KIF21A: variants seen among roughly 807,000 people sequenced by gnomAD.
The protein encoded by KIF21A is kinesin family member 21A.
KIF21A carries 114 observed loss-of-function variants against 202.9 expected under a neutral mutation model. That is an observed-to-expected ratio of 0.56 (90% CI 0.48 to 0.66). The LOEUF is 0.66. Ranked by LOEUF, KIF21A falls within the 30% of genes least tolerant of loss-of-function variation. The pLI is 0.00. For synonymous variants in KIF21A, 667 were observed against 670.8 expected, an observed-to-expected ratio of 0.99 and a Z score of 0.09; for missense variants, 1,677 against 1,994.9, an observed-to-expected ratio of 0.84 and a Z score of 3.04.
In KIF21A at chr12:39,369,876, T is replaced by C; in HGVS notation, c.303A>G (p.Gly101=). Residue 101 remains glycine (G), a synonymous_variant, in exon 3 of 38, where the codon GGA becomes GGG. Coordinates refer to ENST00000361418, the MANE Select transcript of KIF21A (RefSeq NM_001173464.2). ...CTTCCTCAACAATGTTAACATCAAA[T>C]CCTGTTCCCATTGTGTATGTTTTAC... The part of the protein sequence containing the change: ...GAGKTYTMGT[G]FDVNIVEEEL... The C allele has an allele frequency of 6.2e-7, 1 of 1,613,566 alleles. No individual in the cohort carries two copies. The highest frequency in any genetic ancestry group is 8.5e-7 in the Non-Finnish European group (1 of 1,179,712).
chr12:39,319,056 T>C (rs1002032179), intron 28 of KIF21A, among the ~76,000 whole-genome samples: 1 of 152,214 alleles, frequency 6.6e-6, no homozygotes, highest in African/African-American at 2.4e-5. Context: ...AGTGTGCATC[T>C]TGGCACAGGG....
chr12:39,321,187 C>G (rs75460304), intron 27 of KIF21A, among the ~76,000 whole-genome samples: 9,773 of 152,034 alleles, frequency 0.064, 1,055 homozygotes, highest in African/African-American at 0.22. Flanking sequence ...AGTGAGTGAC[C>G]AAACTCTCAC....
intron 1 of KIF21A, among the ~76,000 whole-genome samples, chr12:39,386,305 G>A (rs1950945983): frequency 6.6e-6 from 1 of 152,122 alleles, no homozygotes; most frequent in South Asian, 2.1e-4. Flanking sequence ...TCCAGATCAT[G>A]TGAATGGGGG....
intron 7 of KIF21A, 88 bp from the exon 8 acceptor site, chr12:39,358,461 G>C: frequency 8.2e-7 from 1 of 1,215,534 alleles, no homozygotes; most frequent in South Asian, 1.2e-5. Context: ...CATTTGAATA[G>C]TATCTTCTCT....
chr12:39,370,311 A>T, intron 1 of KIF21A, 50 bp from the exon 2 acceptor site: 1 of 1,416,010 alleles, frequency 7.1e-7, no homozygotes, highest in South Asian at 1.2e-5. Flanking sequence ...GGCAAAAAAA[A>T]ACCTCTCAAA....
chr12:39,394,773 T>C (rs1951611710), intron 1 of KIF21A, among the ~76,000 whole-genome samples: 1 of 152,224 alleles, frequency 6.6e-6, no homozygotes, highest in Admixed American at 6.5e-5. Context: ...ACCTAATATA[T>C]AGTTACAGCT....
intron 26 of KIF21A, among the ~76,000 whole-genome samples, chr12:39,324,028 T>A (rs113738408): frequency 0.1 from 15,180 of 151,762 alleles, 772 homozygotes; most frequent in East Asian, 0.14. Context: ...GAGAATGGTG[T>A]GAACCCGGAA....
At chr12:39,336,097 T>C (rs1015855591) in intron 17 of KIF21A, among the ~76,000 whole-genome samples, 5 of 152,176 alleles carry the variant, frequency 3.3e-5, no homozygotes, top group African/African-American at 1.2e-4. Flanking sequence ...CTCTTCTTTT[T>C]CAAAGAGGCA....
intron 1 of KIF21A, among the ~76,000 whole-genome samples, chr12:39,419,395 C>T (rs954540352): frequency 6.6e-6 from 1 of 152,178 alleles, no homozygotes; most frequent in African/African-American, 2.4e-5. Flanking sequence ...CTATAATTTC[C>T]ATTCCTATAG....
At chr12:39,401,726 A>G (rs973578444) in intron 1 of KIF21A, among the ~76,000 whole-genome samples, 4 of 152,218 alleles carry the variant, frequency 2.6e-5, no homozygotes, top group African/African-American at 9.6e-5. Flanking sequence ...TAATGTTGTC[A>G]CCACTTAAAT....
chr12:39,398,822 TATATCCCC>T (rs1951948920), intron 1 of KIF21A, among the ~76,000 whole-genome samples: 2 of 152,154 alleles, frequency 1.3e-5, no homozygotes, highest in South Asian at 4.1e-4. Context: ...GTCAGCCCTC[TATATCCCC>T]AGGTTCCACA....
intron 24 of KIF21A, among the ~76,000 whole-genome samples, chr12:39,328,557 C>T (rs1408816589): frequency 6.6e-6 from 1 of 152,108 alleles, no homozygotes; most frequent in Non-Finnish European, 1.5e-5. Flanking sequence ...CCGTGGGGAT[C>T]CCAACACAGA....
rs539724170 is a variant in KIF21A at position 39,356,766 on chromosome 12, A to C, written c.1469+66T>G. ...TTGAACACTAAGCCCAACAAACAGA[A>C]ATATTATAACATTGCAAAATCCAAA... On this transcript the variant is annotated intron_variant, in intron 10 of 37. Coordinates refer to ENST00000361418, the MANE Select transcript of KIF21A (RefSeq NM_001173464.2). The C allele has an allele frequency of 6.2e-5, 49 of 784,872 alleles. 1 individual carries two copies. The South Asian group carries it at 6.6e-4, about 11-fold the overall frequency. The allele number at this position is 784,872 out of a possible 1,614,324, so 48.6% of individuals were successfully genotyped here.
At chr12:39,328,470 T>A (rs1202054453) in intron 24 of KIF21A, among the ~76,000 whole-genome samples, 4 of 152,182 alleles carry the variant, frequency 2.6e-5, no homozygotes, top group Non-Finnish European at 5.9e-5. Context: ...AACATTGATA[T>A]CATAAATCTT....
At chr12:39,395,824 G>A (rs1312767305) in intron 1 of KIF21A, among the ~76,000 whole-genome samples, 3 of 145,208 alleles carry the variant, frequency 2.1e-5, no homozygotes, top group Admixed American at 7.1e-5. Context: ...CCTGGGTGAC[G>A]AGAGCGAGAC....
At chr12:39,417,535 G>A (rs1356613429) in intron 1 of KIF21A, among the ~76,000 whole-genome samples, 1 of 152,116 alleles carries the variant, frequency 6.6e-6, no homozygotes, top group Non-Finnish European at 1.5e-5. Context: ...CTTAGCAAAT[G>A]TAGCATACAA....
chr12:39,361,326 TATA>T (rs1477931661), intron 7 of KIF21A, among the ~76,000 whole-genome samples: 2 of 152,258 alleles, frequency 1.3e-5, no homozygotes, highest in Admixed American at 6.5e-5. Context: ...TTTATTCTGT[TATA>T]ATAAGACCCC....
At chr12:39,405,463 C>T (rs1952508133) in intron 1 of KIF21A, among the ~76,000 whole-genome samples, 1 of 151,480 alleles carries the variant, frequency 6.6e-6, no homozygotes, top group African/African-American at 2.4e-5. Context: ...TGTATCTTTG[C>T]CAAAATAATT....
chr12:39,299,128 CTCTTCA>C (rs565496532), intron 37 of KIF21A, among the ~76,000 whole-genome samples: 80 of 152,020 alleles, frequency 5.3e-4, no homozygotes, highest in Non-Finnish European at 2.5e-4. Flanking sequence ...AAAAGTTTAG[CTCTTCA>C]TCTGCACAGC....
Sources: allele counts gnomAD v4.1 joint callset (sites outside exome capture counted in the v4.1 genomes callset), GRCh38; gene constraint gnomAD v4.1.1; transcripts MANE v1.5; gene names NCBI Gene and HGNC (gene_info 2026-07-23, HGNC 2026-07-21).